Variants in PCDHGB5 observed in about 807,000 individuals in gnomAD.
PCDHGB5 encodes protocadherin gamma-B5.
Under a neutral mutation model 62.9 loss-of-function variants are expected in PCDHGB5, and 48 were observed. That is an observed-to-expected ratio of 0.76 (90% CI 0.61 to 0.97). PCDHGB5 has a LOEUF of 0.97. Among genes scored for constraint, PCDHGB5 ranks in the 50% least tolerant of loss-of-function variants. The probability of loss-of-function intolerance (pLI) is 0.00; values close to 1 mark genes in which losing one functional copy is unlikely to be tolerated. For missense variants in PCDHGB5, 1,118 were observed against 1,198.6 expected (o/e 0.93, Z 0.99); for synonymous variants, 474 against 511.2 (o/e 0.93, Z 0.98).
rs1236813956 is a variant in PCDHGB5, at chr5:141,480,634, TTTCAAAC to T, written c.2398-14170_2398-14164del. On this transcript the variant is annotated intron_variant, in intron 1 of 3. Transcript: ENST00000617380. The stretch of plus-strand genomic sequence containing the variant: ...ACTGGCATTTTCCCTAGAACAATGT[TTTCAAAC>T]TTGGTTGCACATTAAAATCACCTAG... Among the ~76,000 whole-genome samples the T allele has an allele frequency of 3.9e-5, 6 of 152,332 alleles. No individual in the cohort carries two copies. In the East Asian group the frequency reaches 1.2e-3, roughly 29 times the overall value.
chr5:141,421,731 C>A (rs73792198), intron 1 of PCDHGB5: 144,261 of 1,613,668 alleles, frequency 0.089, 7,407 homozygotes, highest in African/African-American at 0.18. Flanking sequence ...TGAACTCCCT[C>A]CAGAGCTACC....
At chr5:141,402,534 TAC>T (rs2094278313) in intron 1 of PCDHGB5, among the ~76,000 whole-genome samples, 1 of 152,346 alleles carries the variant, frequency 6.6e-6, no homozygotes, top group Non-Finnish European at 1.5e-5. Context: ...GATTTTATAA[TAC>T]ACTTACAGAA....
At chr5:141,500,473 T>C (rs911171031) in intron 2 of PCDHGB5, among the ~76,000 whole-genome samples, 10 of 152,132 alleles carry the variant, frequency 6.6e-5, no homozygotes, top group Admixed American at 4.6e-4. Flanking sequence ...CCTCCCAAAG[T>C]GCTGGGATTA....
intron 1 of PCDHGB5, chr5:141,408,156 T>C: frequency 6.6e-7 from 1 of 1,512,436 alleles, no homozygotes; most frequent in Non-Finnish European, 8.9e-7. Context: ...TAGAGTGCAC[T>C]TTCTCCAACT....
At chr5:141,427,951 A>G in intron 1 of PCDHGB5, 1 of 1,586,612 alleles carries the variant, frequency 6.3e-7, no homozygotes, top group Non-Finnish European at 8.6e-7. Flanking sequence ...CTCAATGACA[A>G]TGTGCCGCGG....
intron 1 of PCDHGB5, among the ~76,000 whole-genome samples, chr5:141,436,531 G>T (rs1365651055): frequency 6.6e-6 from 1 of 152,152 alleles, no homozygotes; most frequent in African/African-American, 2.4e-5. Context: ...CCTTTAGCAA[G>T]TTATTTAATC....
At chr5:141,458,264 G>A (rs1489144612) in intron 1 of PCDHGB5, among the ~76,000 whole-genome samples, 3 of 152,092 alleles carry the variant, frequency 2.0e-5, no homozygotes, top group Non-Finnish European at 2.9e-5. Flanking sequence ...GATGAGTGGA[G>A]GAACAACAGG....
intron 1 of PCDHGB5, chr5:141,414,010 G>A (rs1308472085): frequency 1.2e-6 from 2 of 1,612,990 alleles, no homozygotes; most frequent in Non-Finnish European, 1.7e-6. Flanking sequence ...AGGTGCCAAT[G>A]GAGAAGTGAC....
Position 141,490,157 on chromosome 5 carries a change from G to T in PCDHGB5, c.2398-4650G>T. 1 of 1,614,210 alleles carries T rather than the reference G, an allele frequency of 6.2e-7. No homozygotes were observed. The highest frequency in any genetic ancestry group is 8.5e-7 in the Non-Finnish European group (1 of 1,180,038). On this transcript the variant is annotated intron_variant, in intron 1 of 3. Transcript: ENST00000617380. This position sits in a 1 kb window ranked among gnomAD's most constrained non-coding sequence, Gnocchi z 5.4. ...AGCAGTGGGGCAATCCATGTGTTGGGTCCCATAGACTTTGAGGAGTCACGT... is the reference window on the plus strand; with the variant it reads ...AGCAGTGGGGCAATCCATGTGTTGGTTCCCATAGACTTTGAGGAGTCACGT...
rs746968245 is a variant in PCDHGB5, at chr5:141,489,575, A to AC, written c.2398-5227dup. 2 of 1,613,788 alleles carry AC rather than the reference A, an allele frequency of 1.2e-6. No homozygotes were observed. Among genetic ancestry groups the AC allele is most frequent in the Non-Finnish European group, 1.7e-6 (2 of 1,179,960 alleles). On this transcript the variant is annotated intron_variant, in intron 1 of 3. Coordinates refer to ENST00000617380, the MANE Select transcript of PCDHGB5 (RefSeq NM_018925.3). The surrounding 1 kb of genome is among the most constrained non-coding windows in gnomAD (Gnocchi z 4.5). ...CTGCCAGTGCAGGTGGTGACTGAACACCCCCTGGAGCTAATCCGTGTAGAG... is the reference window on the plus strand; with the variant it reads ...CTGCCAGTGCAGGTGGTGACTGAACACCCCCCTGGAGCTAATCCGTGTAGAG...
intron 1 of PCDHGB5, chr5:141,428,370 C>A: frequency 1.8e-6 from 1 of 540,734 alleles, no homozygotes; most frequent in Non-Finnish European, 3.4e-6. Flanking sequence ...TCGCCTTGCA[C>A]CTGCGATGCT....
chr5:141,408,384 T>C, intron 1 of PCDHGB5: 2 of 1,614,014 alleles, frequency 1.2e-6, no homozygotes, highest in Non-Finnish European at 1.7e-6. Flanking sequence ...GTCCTGGATG[T>C]GTCGGCTCGC....
At position 141,511,436 on chromosome 5, in the gene PCDHGB5, T is replaced by C. The variant is rs1371734719; in HGVS notation, c.*263T>C. The C allele has an allele frequency of 1.5e-5, 11 of 718,486 alleles. No individual in the cohort carries two copies. The highest frequency in any genetic ancestry group is 2.2e-5 in the Non-Finnish European group (10 of 461,474). The allele number at this position is 718,486 out of a possible 1,614,324, so 44.5% of individuals were successfully genotyped here. The stretch of plus-strand genomic sequence containing the variant: ...ACCCATGGGGGTAGTGGGGTTACTG[T>C]AGACACCAAGAACCATTTGCCACAC... On this transcript the variant is annotated 3_prime_UTR_variant, in exon 4 of 4. Coordinates refer to ENST00000617380, the MANE Select transcript of PCDHGB5 (RefSeq NM_018925.3).
intron 1 of PCDHGB5, chr5:141,430,875 T>C: frequency 6.3e-7 from 1 of 1,599,398 alleles, no homozygotes; most frequent in Non-Finnish European, 8.5e-7. Context: ...CCGGAAGAGC[T>C]GGAGAAAGGC....
chr5:141,470,490 A>C (rs1193023083), intron 1 of PCDHGB5, among the ~76,000 whole-genome samples: 1 of 152,202 alleles, frequency 6.6e-6, no homozygotes, highest in African/African-American at 2.4e-5. Context: ...TCTGGGAATA[A>C]TATTAGGTAA....
chr5:141,419,967 TTCTC>T (rs1324855239), intron 1 of PCDHGB5: 2 of 1,614,086 alleles, frequency 1.2e-6, no homozygotes, highest in Admixed American at 3.3e-5. Context: ...TCTGTGCTCT[TTCTC>T]CTCGCGGTGA....
chr5:141,450,251 C>T (rs2154563018), intron 1 of PCDHGB5, among the ~76,000 whole-genome samples: 1 of 152,200 alleles, frequency 6.6e-6, no homozygotes. Context: ...CTCCTGACCT[C>T]AAGTGATCTG....
chr5:141,408,777 C>T (rs1019825842), intron 1 of PCDHGB5: 22 of 1,611,714 alleles, frequency 1.4e-5, no homozygotes, highest in Non-Finnish European at 1.8e-5. Context: ...GGCAAATACC[C>T]AGAGTTATCT....
At chr5:141,443,317 C>CAA (rs35054295) in intron 1 of PCDHGB5, among the ~76,000 whole-genome samples, 2,546 of 141,926 alleles carry the variant, frequency 0.018, 55 homozygotes, top group African/African-American at 0.052. Flanking sequence ...CCCATCTCTA[C>CAA]AAAAAAAAAA....
Sources: gnomAD v4.1 joint callset for allele counts (sites outside exome capture counted in the v4.1 genomes callset) on GRCh38, gnomAD v4.1.1 for gene constraint, Gnocchi (gnomAD v3.1) non-coding constraint, MANE v1.5 for transcripts, NCBI Gene and HGNC (gene_info 2026-07-23, HGNC 2026-07-21) for gene names.